TBCA: variants seen among roughly 807,000 people sequenced by gnomAD.
The protein encoded by TBCA is tubulin folding cofactor A, also known as tubulin-specific chaperone A.
A neutral mutation model predicts 15.8 loss-of-function variants in TBCA; 6 were observed. That is an observed-to-expected ratio of 0.38 (90% CI 0.21 to 0.75). TBCA has a LOEUF of 0.75. TBCA is among the 30% of genes least tolerant of loss of function. The pLI is 0.46. For synonymous variants in TBCA, 32 were observed against 42.3 expected (o/e 0.76, Z 0.94); for missense variants, 90 against 131.2 (o/e 0.69, Z 1.53).
At chr5:77,775,885 G>A (rs1473889963) in intron 1 of TBCA, among the ~76,000 whole-genome samples, 1 of 152,146 alleles carries the variant, frequency 6.6e-6, no homozygotes. Context: ...CACGGGATCA[G>A]GGCCCGGCCC....
chr5:77,760,994 C>T (rs1275128118), intron 1 of TBCA, among the ~76,000 whole-genome samples: 3 of 148,694 alleles, frequency 2.0e-5, no homozygotes, highest in Middle Eastern at 3.6e-3. Flanking sequence ...TCTGCCCGGC[C>T]GCCACCCCGT....
intron 1 of TBCA, among the ~76,000 whole-genome samples, chr5:77,709,443 T>G (rs1203190195): frequency 6.6e-6 from 1 of 152,146 alleles, no homozygotes; most frequent in Non-Finnish European, 1.5e-5. Flanking sequence ...AAGAAAATAT[T>G]AACATTCCTA....
intron 1 of TBCA, among the ~76,000 whole-genome samples, chr5:77,717,083 G>C (rs1446880381): frequency 1.3e-5 from 2 of 152,172 alleles, no homozygotes; most frequent in Non-Finnish European, 2.9e-5. Flanking sequence ...GGGATCATGA[G>C]GAAATCCTGC....
intron 1 of TBCA, among the ~76,000 whole-genome samples, chr5:77,764,022 A>G (rs1240291396): frequency 2.0e-5 from 3 of 152,228 alleles, no homozygotes; most frequent in Non-Finnish European, 4.4e-5. Context: ...TTATCAAACA[A>G]TGGAGTATTA....
intron 1 of TBCA, among the ~76,000 whole-genome samples, chr5:77,718,796 G>A (rs1321293957): frequency 6.6e-6 from 1 of 152,158 alleles, no homozygotes; most frequent in Non-Finnish European, 1.5e-5. Context: ...GATGGGGCTG[G>A]AGATGCTGCT....
At chr5:77,715,502 T>A (rs1182364207) in intron 1 of TBCA, among the ~76,000 whole-genome samples, 2 of 152,164 alleles carry the variant, frequency 1.3e-5, no homozygotes, top group African/African-American at 4.8e-5. Flanking sequence ...GAAGTCATGT[T>A]TTTTCTCTCA....
chr5:77,736,843 C>T (rs187324943), intron 1 of TBCA, among the ~76,000 whole-genome samples: 153 of 152,294 alleles, frequency 1.0e-3, no homozygotes, highest in African/African-American at 3.4e-3. Flanking sequence ...TAATGCTTTG[C>T]AATTAAATTG....
intron 2 of TBCA, among the ~76,000 whole-genome samples, chr5:77,699,957 G>A (rs1400238333): frequency 6.9e-6 from 1 of 143,946 alleles, no homozygotes; most frequent in Non-Finnish European, 1.5e-5. Context: ...AGAATTGCTT[G>A]AACCTGGGAG....
chr5:77,706,827 AAG>A (rs1554043605), intron 2 of TBCA, among the ~76,000 whole-genome samples: 44 of 138,944 alleles, frequency 3.2e-4, no homozygotes, highest in African/African-American at 1.0e-3. Flanking sequence ...AAAAAAAAAA[AAG>A]AAAGAAAGAA....
chr5:77,769,291 T>A (rs533815811), intron 1 of TBCA, among the ~76,000 whole-genome samples: 3 of 152,184 alleles, frequency 2.0e-5, no homozygotes, highest in Non-Finnish European at 4.4e-5. Context: ...AACTTAGCAA[T>A]GGGGTACAGT....
At chr5:77,699,069 G>A (rs963807351) in intron 2 of TBCA, among the ~76,000 whole-genome samples, 28 of 134,120 alleles carry the variant, frequency 2.1e-4, no homozygotes, top group Non-Finnish European at 3.9e-4. Context: ...GAAATACTTA[G>A]CTATACATTT....
Position 77,776,328 on chromosome 5 carries a change from G to T in TBCA, c.-71C>A. On this transcript the variant is annotated 5_prime_UTR_variant, in exon 1 of 4. Coordinates refer to ENST00000380377, the MANE Select transcript of TBCA (RefSeq NM_004607.3). Reference sequence around the variant, plus strand: ...CCGTGGAGGGCGACGCGCAGAGGCTGCGGCTATTTAGGCGTGGTCGCCGGC... The same window carrying T: ...CCGTGGAGGGCGACGCGCAGAGGCTTCGGCTATTTAGGCGTGGTCGCCGGC... The T allele has an allele frequency of 6.5e-7, 1 of 1,536,978 alleles. No homozygotes were observed. The highest frequency in any genetic ancestry group is 8.8e-7 in the Non-Finnish European group (1 of 1,136,470).
chr5:77,761,887 A>G (rs1400920548), intron 1 of TBCA, among the ~76,000 whole-genome samples: 1 of 152,208 alleles, frequency 6.6e-6, no homozygotes, highest in East Asian at 1.9e-4. Flanking sequence ...CCACAATCAG[A>G]GTTACATGGG....
At chr5:77,749,875 C>A (rs1747276666) in intron 1 of TBCA, among the ~76,000 whole-genome samples, 1 of 152,098 alleles carries the variant, frequency 6.6e-6, no homozygotes, top group Non-Finnish European at 1.5e-5. Context: ...ACTTTGCAGT[C>A]TTTAAAAGGA....
chr5:77,763,277 TAAAA>T (rs1747689889), intron 1 of TBCA, among the ~76,000 whole-genome samples: 2 of 151,706 alleles, frequency 1.3e-5, no homozygotes, highest in South Asian at 4.1e-4. Context: ...AATAAATAAA[TAAAA>T]AGACAAGCAA....
chr5:77,737,311 G>A (rs563278200), intron 1 of TBCA, among the ~76,000 whole-genome samples: 5 of 152,286 alleles, frequency 3.3e-5, no homozygotes, highest in South Asian at 2.1e-4. Context: ...TTACTGAAAC[G>A]AAAGGCTTGC....
intron 2 of TBCA, among the ~76,000 whole-genome samples, chr5:77,699,027 G>C (rs1463810455): frequency 2.2e-5 from 1 of 45,972 alleles, no homozygotes; most frequent in African/African-American, 1.1e-4. Flanking sequence ...CCATTTGCAA[G>C]AGCATCAAAA....
At chr5:77,697,803 C>T (rs1745904568) in intron 2 of TBCA, among the ~76,000 whole-genome samples, 1 of 151,946 alleles carries the variant, frequency 6.6e-6, no homozygotes, top group Non-Finnish European at 1.5e-5. Context: ...AAATTAAAAA[C>T]AGAAAAGCAA....
chr5:77,706,115 ATGAT>A (rs1374001478), intron 2 of TBCA, among the ~76,000 whole-genome samples: 3 of 152,210 alleles, frequency 2.0e-5, no homozygotes, highest in East Asian at 1.9e-4. Flanking sequence ...TCTATTTTAA[ATGAT>A]TGATTAATTT....
Sources: allele counts gnomAD v4.1 joint callset (sites outside exome capture counted in the v4.1 genomes callset), GRCh38; gene constraint gnomAD v4.1.1; transcripts MANE v1.5; gene names NCBI Gene and HGNC (gene_info 2026-07-23, HGNC 2026-07-21).